GSTM3: variants seen among roughly 807,000 people sequenced by gnomAD.
GSTM3 encodes the protein glutathione S-transferase mu 3.
In GSTM3, 34 loss-of-function variants were observed where a neutral mutation model predicts 36.1. The ratio of observed to expected loss-of-function variants is 0.94; its 90% confidence interval spans 0.72 to 1.25. The LOEUF (loss-of-function observed/expected upper bound fraction) is 1.25. Among genes scored for constraint, GSTM3 ranks in the 50% most tolerant of loss-of-function variants. GSTM3 has a pLI of 0.00. For missense variants in GSTM3, 266 were observed against 281.6 expected, an observed-to-expected ratio of 0.94 and a Z score of 0.40; for synonymous variants, 102 against 99.5, an observed-to-expected ratio of 1.03 and a Z score of -0.15.
At chr1:109,740,796 G>T (rs1244942828) in intron 1 of GSTM3, among the ~76,000 whole-genome samples, 157 bp downstream of exon 1, 1 of 152,170 alleles carries the variant, frequency 6.6e-6, no homozygotes, top group Non-Finnish European at 1.5e-5. Context: ...TGTCAGTCAA[G>T]GACCTCTGCA....
chr1:109,739,983 C>G, intron 2 of GSTM3, 75 bp from the exon 3 acceptor site: 1 of 1,238,038 alleles, frequency 8.1e-7, no homozygotes, highest in Non-Finnish European at 1.2e-6. Context: ...GTTCCCCGGC[C>G]CGGGGCTGCC....
intron 2 of GSTM3, 95 bp from the exon 3 acceptor site, chr1:109,740,003 C>T: frequency 1.8e-6 from 2 of 1,100,654 alleles, no homozygotes; most frequent in South Asian, 1.4e-5. Flanking sequence ...CGAGTCCCTG[C>T]GTCCTGCCGG....
rs1649203855 is a variant in GSTM3 at position 109,736,463 on chromosome 1, C to G, written c.*608G>C. 6.6e-6 allele frequency: 1 copy of G among 152,196 alleles called. No individual in the cohort carries two copies. The highest frequency in any genetic ancestry group is 1.5e-5 in the Non-Finnish European group (1 of 68,036). 9.4% of individuals were successfully genotyped at this position (152,196 alleles called of 1,614,324 possible). On this transcript the variant is annotated 3_prime_UTR_variant, in exon 9 of 9. Transcript: ENST00000361066. Reference sequence around the variant, plus strand: ...TCTTTTTACGTCTTTAAAGAAACTTCTCCTACCCCGTGGTCACAAAAATTC... The same window carrying G: ...TCTTTTTACGTCTTTAAAGAAACTTGTCCTACCCCGTGGTCACAAAAATTC...
At chr1:109,737,190 A>C (rs979120879) in intron 8 of GSTM3, 21 bp from the exon 9 acceptor site, 26 of 1,541,812 alleles carry the variant, frequency 1.7e-5, no homozygotes, top group Non-Finnish European at 2.3e-5. Flanking sequence ...AATACACCAA[A>C]TCTTATAACG....
Position 109,739,923 on chromosome 1 carries a change from G to A in GSTM3, c.49-15C>T, listed in dbSNP as rs55778781. 4.0e-5 allele frequency: 62 copies of A among 1,545,064 alleles called. No homozygotes were observed. Among genetic ancestry groups the A allele is most frequent in the Non-Finnish European group, 5.3e-5 (61 of 1,140,650 alleles). On this transcript the variant is annotated splice_polypyrimidine_tract_variant and intron_variant, in intron 2 of 8. Coordinates refer to ENST00000361066, the MANE Select transcript of GSTM3 (RefSeq NM_000849.5). ...GCGTGCGCCAGCTGGGGAAGACAGC[G>A]GTTCAGCGACTGCGCAGCTCCCACC...
At chr1:109,739,357 C>T (rs763690615) in intron 4 of GSTM3, 72 bp downstream of exon 4, 13 of 1,007,972 alleles carry the variant, frequency 1.3e-5, no homozygotes, top group Non-Finnish European at 1.9e-5. Flanking sequence ...CTGTACCAGG[C>T]AGGAGAGAGG....
At position 109,738,312 on chromosome 1, in the gene GSTM3, G is replaced by A. The variant is rs779672621; in HGVS notation, c.244C>T (p.Arg82Cys). The change falls in exon 5 of 9, where the codon CGC becomes TGC. Residue 82 changes from arginine to cysteine, a missense_variant. By Grantham distance (180) the Arg-to-Cys change is radical. Coordinates refer to ENST00000361066, the MANE Select transcript of GSTM3 (RefSeq NM_000849.5). ...NKITQSNAILRYIARKHNMCG... is the reference protein window; with the variant it reads ...NKITQSNAILCYIARKHNMCG... Reference sequence around the variant, plus strand: ...ATGTTGTGCTTGCGAGCGATGTAGCGCAAGATGGCATTGCTCTGGGTGATC... The same window carrying A: ...ATGTTGTGCTTGCGAGCGATGTAGCACAAGATGGCATTGCTCTGGGTGATC... 6.8e-6 allele frequency: 11 copies of A among 1,613,846 alleles called. No homozygotes were observed. Among genetic ancestry groups the A allele is most frequent in the Middle Eastern group, 3.3e-4 (2 of 6,084 alleles).
In GSTM3 at chr1:109,734,949, T is replaced by C. The variant is rs1649159206; in HGVS notation, c.*2122A>G. On this transcript the variant is annotated 3_prime_UTR_variant, in exon 9 of 9. Coordinates refer to ENST00000361066, the MANE Select transcript of GSTM3 (RefSeq NM_000849.5). ...GAAAGGAGAGTGGTGCCAAGTCATC[T>C]CCACAGGAGTCAGTGTTTCTTAAGT... The C allele has an allele frequency of 6.6e-6, 1 of 152,320 alleles. No individual in the cohort carries two copies. Among genetic ancestry groups the C allele is most frequent in the Non-Finnish European group, 1.5e-5 (1 of 68,042 alleles). The allele number at this position is 152,320 out of a possible 1,614,324, so 9.4% of individuals were successfully genotyped here.
Position 109,738,164 on chromosome 1 carries a change from C to A in GSTM3, c.299G>T (p.Arg100Leu), listed in dbSNP as rs779550684. The change falls in exon 6 of 9, where the codon CGA becomes CTA. Residue 100 changes from arginine (R) to leucine (L), a missense_variant. Coordinates refer to ENST00000361066, the MANE Select transcript of GSTM3 (RefSeq NM_000849.5). ...MCGETEEEKI[R>L]VDIIENQVMD... ...TACTTGGTTCTCTATGATGTCCACT[C>A]GAATCTTTTCTTCTTCAGTCTCACC... The A allele has an allele frequency of 6.2e-7, 1 of 1,613,728 alleles. No individual in the cohort carries two copies. The highest frequency in any genetic ancestry group is 8.5e-7 in the Non-Finnish European group (1 of 1,179,608).
chr1:109,737,169 C>T lies in GSTM3; in HGVS notation c.580G>A (p.Ala194Thr), dbSNP rs969716985. 4.4e-6 allele frequency: 7 copies of T among 1,608,962 alleles called. No homozygotes were observed. The highest frequency in any genetic ancestry group is 6.0e-6 in the Non-Finnish European group (7 of 1,175,368). The change falls in exon 9 of 9, where the codon GCT becomes ACT. Residue 194 changes from alanine to threonine, a missense_variant and splice_region_variant. Physicochemically the swap from Ala to Thr is moderately conservative, Grantham distance 58. Coordinates refer to ENST00000361066, the MANE Select transcript of GSTM3 (RefSeq NM_000849.5). ...NLKAFMCRFE[A>T]LEKIAAYLQS... ...AAGTAGGCAGCGATTTTCTCCAAAGCCTGAAAGGAAAATACACCAAATCTT... is the reference window on the plus strand; with the variant it reads ...AAGTAGGCAGCGATTTTCTCCAAAGTCTGAAAGGAAAATACACCAAATCTT...
chr1:109,739,999 C>A, intron 2 of GSTM3, 91 bp from the exon 3 acceptor site: 1 of 1,110,782 alleles, frequency 9.0e-7, no homozygotes, highest in South Asian at 1.4e-5. Context: ...CTGCCGAGTC[C>A]CTGCGTCCTG....
intron 4 of GSTM3, 97 bp downstream of exon 4, chr1:109,739,332 C>A: frequency 1.4e-6 from 1 of 715,682 alleles, no homozygotes; most frequent in South Asian, 2.1e-5. Flanking sequence ...TTAAGATCCC[C>A]TATTTTGCAT....
At chr1:109,739,518 A>G in intron 3 of GSTM3, 25 bp from the exon 4 acceptor site, 1 of 1,570,366 alleles carries the variant, frequency 6.4e-7, no homozygotes, top group Non-Finnish European at 8.8e-7. Flanking sequence ...ATTAAGTGGG[A>G]CCCAACCTCC....
rs1488295992 is a variant in GSTM3, at chr1:109,734,936, G to A, written c.*2135C>T. 2.0e-5 allele frequency: 3 copies of A among 152,266 alleles called. No homozygotes were observed. The East Asian group carries it at 5.8e-4, about 29-fold the overall frequency. 9.4% of individuals were successfully genotyped at this position (152,266 alleles called of 1,614,324 possible). A position where few individuals can be genotyped will look rare whatever the true frequency, so the allele number is the denominator to read the frequency against. ...GACTCTGCTCTGTGAAAGGAGAGTG[G>A]TGCCAAGTCATCTCCACAGGAGTCA... On this transcript the variant is annotated 3_prime_UTR_variant, in exon 9 of 9. Coordinates refer to ENST00000361066, the MANE Select transcript of GSTM3 (RefSeq NM_000849.5).
In GSTM3 at chr1:109,736,739, C is replaced by A; in HGVS notation, c.*332G>T. 1 of 237,298 alleles carries A rather than the reference C, an allele frequency of 4.2e-6. No individual in the cohort carries two copies. Among genetic ancestry groups the A allele is most frequent in the Non-Finnish European group, 8.2e-6 (1 of 121,438 alleles). The allele number at this position is 237,298 out of a possible 1,614,324, so 14.7% of individuals were successfully genotyped here. A position where few individuals can be genotyped will look rare whatever the true frequency, so the allele number is the denominator to read the frequency against. Reference sequence around the variant, plus strand: ...ACAGTTTTACTTGTGTTATCCTCACCCAGTCTTCACAGGGACTCCAGTCCC... The same window carrying A: ...ACAGTTTTACTTGTGTTATCCTCACACAGTCTTCACAGGGACTCCAGTCCC... On this transcript the variant is annotated 3_prime_UTR_variant, in exon 9 of 9. Coordinates refer to ENST00000361066, the MANE Select transcript of GSTM3 (RefSeq NM_000849.5).
At chr1:109,739,367 G>A in intron 4 of GSTM3, 62 bp downstream of exon 4, 1 of 1,131,150 alleles carries the variant, frequency 8.8e-7, no homozygotes, top group Non-Finnish European at 1.3e-6. Context: ...CAGGAGAGAG[G>A]CAAGGATGGA....
chr1:109,740,180 C>T lies in GSTM3; in HGVS notation c.48+60G>A, dbSNP rs918767169. 4 of 1,471,184 alleles carry T rather than the reference C, an allele frequency of 2.7e-6. No homozygotes were observed. The African/African-American group carries it at 5.6e-5, about 20-fold the overall frequency. The allele number at this position is 1,471,184 out of a possible 1,614,324, so 91.1% of individuals were successfully genotyped here. A position where few individuals can be genotyped will look rare whatever the true frequency, so the allele number is the denominator to read the frequency against. ...CTGCTGGAGATCGCGGACCCAGAGACCCGCCCTCTCCGCGTCAGTCTCTTT... is the reference window on the plus strand; with the variant it reads ...CTGCTGGAGATCGCGGACCCAGAGATCCGCCCTCTCCGCGTCAGTCTCTTT... On this transcript the variant is annotated intron_variant, in intron 2 of 8. Coordinates refer to ENST00000361066, the MANE Select transcript of GSTM3 (RefSeq NM_000849.5).
In GSTM3 at chr1:109,738,193, T is replaced by A. The variant is rs745654745; in HGVS notation, c.272-2A>T. On this transcript the variant is annotated splice_acceptor_variant, in intron 5 of 8. Coordinates refer to ENST00000361066, the MANE Select transcript of GSTM3 (RefSeq NM_000849.5). LOFTEE classifies it high-confidence loss of function. ...TCTTTTCTTCTTCAGTCTCACCACCTGTAGGCCAAATGACAACAAATCACC... is the reference window on the plus strand; with the variant it reads ...TCTTTTCTTCTTCAGTCTCACCACCAGTAGGCCAAATGACAACAAATCACC... 1.2e-6 allele frequency: 2 copies of A among 1,610,818 alleles called. No homozygotes were observed. Among genetic ancestry groups the A allele is most frequent in the East Asian group, 4.5e-5 (2 of 44,872 alleles).
rs1275861233 is a variant in GSTM3, at chr1:109,734,684, C to T, written c.*2387G>A. The T allele has an allele frequency of 6.6e-6, 1 of 152,206 alleles. No homozygotes were observed. The highest frequency in any genetic ancestry group is 2.1e-4 in the South Asian group (1 of 4,826). The allele number at this position is 152,206 out of a possible 1,614,324, so 9.4% of individuals were successfully genotyped here. A position where few individuals can be genotyped will look rare whatever the true frequency, so the allele number is the denominator to read the frequency against. ...TTTATACCTCTTCTGGCCAAAGGCT[C>T]CCCCATGCCCAAGATACTGGCCTGA... is the stretch of plus-strand genomic sequence containing the variant. On this transcript the variant is annotated 3_prime_UTR_variant, in exon 9 of 9. Coordinates refer to ENST00000361066, the MANE Select transcript of GSTM3 (RefSeq NM_000849.5).
Sources: allele counts gnomAD v4.1 joint callset (sites outside exome capture counted in the v4.1 genomes callset), GRCh38; gene constraint gnomAD v4.1.1; transcripts MANE v1.5; gene names NCBI Gene and HGNC (gene_info 2026-07-23, HGNC 2026-07-21).